ITGAE: variants seen among roughly 807,000 people sequenced by gnomAD.
ITGAE encodes the protein integrin alpha-E.
A neutral mutation model predicts 136.5 loss-of-function variants in ITGAE; 99 were observed. The ratio of observed to expected loss-of-function variants is 0.73; its 90% CI spans 0.62 to 0.86. ITGAE has a LOEUF of 0.86. Ranked by LOEUF, ITGAE falls within the 40% of genes least tolerant of loss-of-function variation. ITGAE has a pLI of 0.00. For missense variants in ITGAE, 1,447 were observed against 1,515.3 expected (o/e 0.95, Z 0.75); for synonymous variants, 613 against 591.8 (o/e 1.04, Z -0.52).
At chr17:3,734,595 G>A (rs1465503716) in intron 21 of ITGAE, among the ~76,000 whole-genome samples, 1 of 152,212 alleles carries the variant, frequency 6.6e-6, no homozygotes, top group Non-Finnish European at 1.5e-5. Flanking sequence ...CCCTGGTGAA[G>A]AAAGGGCCGC....
At chr17:3,766,643 A>G (rs1239597239) in intron 2 of ITGAE, among the ~76,000 whole-genome samples, 1 of 151,976 alleles carries the variant, frequency 6.6e-6, no homozygotes, top group Admixed American at 6.6e-5. Context: ...CTCTACTAAA[A>G]ATACAAACAT....
At chr17:3,725,247 T>A in intron 26 of ITGAE, 1 of 1,614,172 alleles carries the variant, frequency 6.2e-7, no homozygotes, top group Non-Finnish European at 8.5e-7. Context: ...CTCTTGGCAC[T>A]CCTCCTCTAT....
At chr17:3,744,698 C>A (rs2051672147) in intron 18 of ITGAE, among the ~76,000 whole-genome samples, 1 of 152,156 alleles carries the variant, frequency 6.6e-6, no homozygotes, top group African/African-American at 2.4e-5. Flanking sequence ...ATCCTCCCAC[C>A]TCGGCCTCCC....
chr17:3,763,977 G>C lies in ITGAE; in HGVS notation c.156-17C>G. 1 of 1,585,006 alleles carries C rather than the reference G, an allele frequency of 6.3e-7. No individual in the cohort carries two copies. Among genetic ancestry groups the C allele is most frequent in the Non-Finnish European group, 8.7e-7 (1 of 1,155,828 alleles). On this transcript the variant is annotated splice_polypyrimidine_tract_variant and intron_variant, in intron 2 of 30. Transcript: ENST00000263087. The stretch of plus-strand genomic sequence containing the variant: ...ACCAGGAGCCTGAGTGGGAGGGGAG[G>C]TTGCAAAGCTGAGCTGGCTGATGTT...
chr17:3,753,388 C>T lies in ITGAE; in HGVS notation c.1570G>A (p.Asp524Asn). 1 of 1,614,188 alleles carries T rather than the reference C, an allele frequency of 6.2e-7. No homozygotes were observed. Among genetic ancestry groups the T allele is most frequent in the Non-Finnish European group, 8.5e-7 (1 of 1,180,026 alleles). Residue 524 changes from aspartate to asparagine, a missense_variant, in exon 14 of 31, where the codon GAC becomes AAC. By Grantham distance (23) the Asp-to-Asn change is conservative (BLOSUM62 1). Transcript: ENST00000263087. Reference sequence around the variant, plus strand: ...AAGAAGTCCGTGCTTCCATCCATGTCAATGTCCACAGGGCACAGCTCAGAG... The same window carrying T: ...AAGAAGTCCGTGCTTCCATCCATGTTAATGTCCACAGGGCACAGCTCAGAG... ...FGSELCPVDIDMDGSTDFLLV... is the reference protein window; with the variant it reads ...FGSELCPVDINMDGSTDFLLV...
chr17:3,761,005 C>T lies in ITGAE; in HGVS notation c.598+8G>A, dbSNP rs765956701. 1 of 1,598,180 alleles carries T rather than the reference C, an allele frequency of 6.3e-7. No individual in the cohort carries two copies. The highest frequency in any genetic ancestry group is 1.1e-5 in the South Asian group (1 of 90,556). On this transcript the variant is annotated splice_region_variant and intron_variant, in intron 6 of 30. Coordinates refer to ENST00000263087, the MANE Select transcript of ITGAE (RefSeq NM_002208.5). ...GACTCAGAGCAACCCAGATCTGCCT[C>T]TTCTCACCAGCTTCCTCCTCCTCCT...
chr17:3,790,837 G>C (rs531350562), intron 1 of ITGAE, among the ~76,000 whole-genome samples: 1 of 152,254 alleles, frequency 6.6e-6, no homozygotes, highest in African/African-American at 2.4e-5. Flanking sequence ...TTTGGATCTT[G>C]CTTTGAACAA....
Position 3,760,951 on chromosome 17 carries a change from G to A in ITGAE, c.598+62C>T, listed in dbSNP as rs112271682. 75 of 1,547,564 alleles carry A rather than the reference G, an allele frequency of 4.8e-5. 4 individuals are homozygous for A. The highest frequency in any genetic ancestry group is 4.6e-4 in the African/African-American group (34 of 73,784). On this transcript the variant is annotated intron_variant, in intron 6 of 30. Transcript: ENST00000263087. ...GACTGAGGCACCCCTCACCCTTGGA[G>A]GCCACCAGCCTAGGAATTGGCTCTG...
chr17:3,788,445 A>C (rs1597369976), intron 1 of ITGAE, among the ~76,000 whole-genome samples: 1 of 145,942 alleles, frequency 6.9e-6, no homozygotes, highest in Admixed American at 7.0e-5. Context: ...CTGTGCCACC[A>C]GACCTGACTA....
rs111775819 is a variant in ITGAE at position 3,769,136 on chromosome 17, G to A, written c.156-5176C>T. 3.4e-3 allele frequency among the ~76,000 whole-genome samples: 514 copies of A among 152,250 alleles called. 5 individuals are homozygous for A. The highest frequency in any genetic ancestry group is 0.011 in the African/African-American group (476 of 41,542). On this transcript the variant is annotated intron_variant, in intron 2 of 30. Transcript: ENST00000263087. ...AAAACTGGGCTCCACCGCAGACCCC[G>A]TTTTGGTGGGGTAGGTGCAGGCCTG... is the stretch of plus-strand genomic sequence containing the variant.
intron 15 of ITGAE, 137 bp downstream of exon 15, chr17:3,751,513 T>C (rs938153173): frequency 1.4e-6 from 1 of 739,390 alleles, no homozygotes; most frequent in Non-Finnish European, 2.2e-6. Context: ...CTGGGGGACT[T>C]CTTTCTTTCA....
chr17:3,747,279 G>C (rs150168229), intron 17 of ITGAE, among the ~76,000 whole-genome samples: 1 of 152,224 alleles, frequency 6.6e-6, no homozygotes, highest in African/African-American at 2.4e-5. Flanking sequence ...CCGCACACAC[G>C]CACACACGTG....
At chr17:3,728,583 G>T in intron 24 of ITGAE, 1 of 174,722 alleles carries the variant, frequency 5.7e-6, no homozygotes, top group Non-Finnish European at 1.2e-5. Flanking sequence ...ATGTTAGCCA[G>T]GCTGGTCTTG....
intron 22 of ITGAE, 133 bp downstream of exon 22, chr17:3,732,235 G>A (rs558868925): frequency 2.1e-5 from 15 of 723,084 alleles, no homozygotes; most frequent in East Asian, 1.8e-4. Flanking sequence ...CTTAGCCACT[G>A]TAAGCACTGC....
intron 2 of ITGAE, among the ~76,000 whole-genome samples, chr17:3,764,370 G>C (rs1434657149): frequency 6.6e-6 from 1 of 152,182 alleles, no homozygotes; most frequent in Non-Finnish European, 1.5e-5. Context: ...AGAAGAGTAC[G>C]CTGGTGCCCC....
In ITGAE at chr17:3,753,310, C is replaced by A. The variant is rs774973445; in HGVS notation, c.1648G>T (p.Val550Leu). Residue 550 changes from valine (V) to leucine (L), a missense_variant, in exon 14 of 31, where the codon GTG becomes TTG. Val to Leu is a conservative substitution (Grantham distance 32). This residue lies in a region of ITGAE where 1,031 missense variants were observed against 1,011.4 expected (regional missense o/e 1.02). Transcript: ENST00000263087. ...HVHGEEGRVY[V>L]YRLSEQDGSF... Reference sequence around the variant, plus strand: ...CCCACCTGCTCGCTGAGACGGTACACGTAGACTCTGCCTTCTTCTCCATGA... The same window carrying A: ...CCCACCTGCTCGCTGAGACGGTACAAGTAGACTCTGCCTTCTTCTCCATGA... The A allele has an allele frequency of 6.2e-7, 1 of 1,614,114 alleles. No individual in the cohort carries two copies. The highest frequency in any genetic ancestry group is 8.5e-7 in the Non-Finnish European group (1 of 1,180,002).
At chr17:3,793,081 T>C (rs1028548654) in intron 1 of ITGAE, among the ~76,000 whole-genome samples, 4 of 152,048 alleles carry the variant, frequency 2.6e-5, no homozygotes, top group African/African-American at 9.7e-5. Flanking sequence ...AGACAGAGTC[T>C]CACTCTGTCG....
chr17:3,761,303 GC>G, intron 5 of ITGAE, 99 bp downstream of exon 5: 2 of 1,544,972 alleles, frequency 1.3e-6, no homozygotes, highest in Non-Finnish European at 1.7e-6. Flanking sequence ...TCCACTGTGG[GC>G]CTGCGTCCCA....
intron 24 of ITGAE, among the ~76,000 whole-genome samples, chr17:3,728,798 G>A (rs949668621): frequency 4.6e-5 from 7 of 151,576 alleles, no homozygotes; most frequent in African/African-American, 1.2e-4. Flanking sequence ...TTGGGAGGCC[G>A]AGGCAGGCGG....
Sources: allele counts gnomAD v4.1 joint callset (sites outside exome capture counted in the v4.1 genomes callset), GRCh38; gene constraint gnomAD v4.1.1; regional missense constraint gnomAD v4.1.1; transcripts MANE v1.5; gene names NCBI Gene and HGNC (gene_info 2026-07-23, HGNC 2026-07-21).